Variants in BOC observed in about 807,000 individuals in gnomAD.
BOC encodes the protein brother of CDO.
Under a neutral mutation model 112.0 loss-of-function variants are expected in BOC, and 76 were observed. The ratio of observed to expected loss-of-function variants is 0.68; its 90% CI spans 0.56 to 0.82. The LOEUF is 0.82. BOC is among the 40% of genes least tolerant of loss of function. The pLI is 0.00. For missense variants in BOC, 1,309 were observed against 1,511.7 expected (o/e 0.87, Z 2.22); for synonymous variants, 580 against 599.8 (o/e 0.97, Z 0.48).
chr3:113,282,079 A>G (rs984978516), intron 15 of BOC, among the ~76,000 whole-genome samples: 16 of 152,228 alleles, frequency 1.1e-4, no homozygotes, highest in African/African-American at 3.6e-4. Flanking sequence ...AAGGCTGGAC[A>G]TAGCTCCAGA....
At chr3:113,266,306 C>T (rs993152859) in intron 4 of BOC, among the ~76,000 whole-genome samples, 1 of 152,188 alleles carries the variant, frequency 6.6e-6, no homozygotes, top group Non-Finnish European at 1.5e-5. Context: ...ATAAGCACAT[C>T]ATGGAGAATG....
At chr3:113,248,836 G>A (rs1181233862) in intron 2 of BOC, among the ~76,000 whole-genome samples, 2 of 152,162 alleles carry the variant, frequency 1.3e-5, no homozygotes, top group Non-Finnish European at 2.9e-5. Context: ...TTGTCAGATG[G>A]CTGGAGGTGC....
In BOC at chr3:113,287,210, A is replaced by G; in HGVS notation, c.*348A>G. 2.6e-6 allele frequency: 1 copy of G among 384,478 alleles called. No individual in the cohort carries two copies. Among genetic ancestry groups the G allele is most frequent in the South Asian group, 2.0e-5 (1 of 50,966 alleles). The allele number at this position is 384,478 out of a possible 1,614,324, so 23.8% of individuals were successfully genotyped here. On this transcript the variant is annotated 3_prime_UTR_variant, in exon 20 of 20. Coordinates refer to ENST00000682979, the MANE Select transcript of BOC (RefSeq NM_001378074.1). The stretch of plus-strand genomic sequence containing the variant: ...TGGCAAGAGGAAGGATCCCAGGCAC[A>G]TGGTTCATCACGAGCATGAGGGAAC...
intron 2 of BOC, among the ~76,000 whole-genome samples, chr3:113,225,481 C>A (rs1046225400): frequency 6.6e-6 from 1 of 152,180 alleles, no homozygotes; most frequent in Non-Finnish European, 1.5e-5. Flanking sequence ...ACCACCTCCC[C>A]CTCTGGTTTT....
At chr3:113,236,266 G>GGGTATATATATATATA (rs1553726809) in intron 2 of BOC, among the ~76,000 whole-genome samples, 2 of 52,586 alleles carry the variant, frequency 3.8e-5, no homozygotes, top group African/African-American at 6.2e-5. Flanking sequence ...GTGTGTGTGT[G>GGGTATATATATATATA]TATATATACC....
chr3:113,271,434 T>C (rs1948111576), intron 6 of BOC: 1 of 333,978 alleles, frequency 3.0e-6, no homozygotes, highest in Admixed American at 4.4e-5. Flanking sequence ...ATGCTCTCAA[T>C]GCACAGGAAA....
Position 113,266,886 on chromosome 3 carries a change from C to T in BOC, c.377-1413C>T, listed in dbSNP as rs147696040. Among the ~76,000 whole-genome samples the T allele has an allele frequency of 2.6e-5, 4 of 152,340 alleles. No homozygotes were observed. The East Asian group carries it at 7.7e-4, about 29-fold the overall frequency. On this transcript the variant is annotated intron_variant, in intron 4 of 19. Transcript: ENST00000682979. ...GGAAGTTCCATTACGTGGGAAGCCT[C>T]CTGACCTCACTGAGTACCTTAATCA...
intron 2 of BOC, among the ~76,000 whole-genome samples, chr3:113,217,441 C>G (rs939510783): frequency 6.6e-6 from 1 of 152,114 alleles, no homozygotes; most frequent in Non-Finnish European, 1.5e-5. Flanking sequence ...GCAGGAGGAT[C>G]CCTTGAGCCC....
At chr3:113,235,435 G>C (rs551194174) in intron 2 of BOC, among the ~76,000 whole-genome samples, 2 of 152,178 alleles carry the variant, frequency 1.3e-5, no homozygotes, top group South Asian at 4.2e-4. Flanking sequence ...GATTATAGGG[G>C]TATGTTTTCC....
intron 6 of BOC, 78 bp downstream of exon 6, chr3:113,271,022 A>G (rs774701651): frequency 7.0e-5 from 111 of 1,593,544 alleles, no homozygotes; most frequent in Non-Finnish European, 9.3e-5. Context: ...GGAGGTAGAT[A>G]CCTGGAGGTG....
rs1417746463 is a variant in BOC at position 113,217,781 on chromosome 3, T to C, written c.-82+1507T>C. Among the ~76,000 whole-genome samples the C allele has an allele frequency of 3.6e-4, 55 of 152,234 alleles. 1 individual carries two copies. Among genetic ancestry groups the C allele is most frequent in the Admixed American group, 3.4e-3 (52 of 15,290 alleles). Reference sequence around the variant, plus strand: ...GCATAGTTTTTTTTTAAAATACTTTTTGGAAAGTTAAAACCTGGTATCAGC... The same window carrying C: ...GCATAGTTTTTTTTTAAAATACTTTCTGGAAAGTTAAAACCTGGTATCAGC... On this transcript the variant is annotated intron_variant, in intron 2 of 19. Coordinates refer to ENST00000682979, the MANE Select transcript of BOC (RefSeq NM_001378074.1).
chr3:113,215,097 T>G (rs1351747860), intron 1 of BOC, among the ~76,000 whole-genome samples: 2 of 152,240 alleles, frequency 1.3e-5, no homozygotes, highest in Non-Finnish European at 2.9e-5. Flanking sequence ...ACTACTTTGC[T>G]GTTGGTTGGA....
At chr3:113,265,045 C>G (rs538362164) in intron 4 of BOC, among the ~76,000 whole-genome samples, 18 of 152,220 alleles carry the variant, frequency 1.2e-4, no homozygotes, top group Admixed American at 5.9e-4. Flanking sequence ...TGCTCCCCCA[C>G]TGCACAGCCT....
chr3:113,254,043 CTG>C (rs1326585558), intron 4 of BOC, among the ~76,000 whole-genome samples: 1 of 152,152 alleles, frequency 6.6e-6, no homozygotes, highest in Non-Finnish European at 1.5e-5. Flanking sequence ...CAAGGTGTAT[CTG>C]TGTGAGGAGA....
chr3:113,227,790 A>G (rs1357333713), intron 2 of BOC, among the ~76,000 whole-genome samples: 1 of 152,196 alleles, frequency 6.6e-6, no homozygotes, highest in East Asian at 1.9e-4. Context: ...AAGAGCTATA[A>G]AAGCACAAAG....
intron 2 of BOC, among the ~76,000 whole-genome samples, chr3:113,242,236 G>A (rs375474603): frequency 3.9e-5 from 6 of 152,102 alleles, no homozygotes; most frequent in Non-Finnish European, 4.4e-5. Flanking sequence ...GAATTGAGCC[G>A]GGAGTGTAGA....
intron 5 of BOC, chr3:113,269,963 C>T (rs1227829815): frequency 2.0e-4 from 31 of 152,336 alleles, no homozygotes; most frequent in Non-Finnish European, 2.9e-5. Flanking sequence ...CAAATGCCAC[C>T]CGAGTTGCTG....
intron 2 of BOC, among the ~76,000 whole-genome samples, chr3:113,230,165 C>A (rs1027550): frequency 5.9e-5 from 9 of 152,030 alleles, no homozygotes; most frequent in South Asian, 4.1e-4. Context: ...TGCATATCAC[C>A]TGGATCCTAG....
intron 4 of BOC, among the ~76,000 whole-genome samples, chr3:113,260,711 ACAGAACAGAAAGAACAGAAC>A (rs774919428): frequency 0.085 from 10,661 of 125,252 alleles, 527 homozygotes; most frequent in Non-Finnish European, 0.11. Context: ...ACAGAACAGA[ACAGAACAGAAAGAACAGAAC>A]AGAACAGAAC....
Sources: allele counts gnomAD v4.1 joint callset (sites outside exome capture counted in the v4.1 genomes callset), GRCh38; gene constraint gnomAD v4.1.1; transcripts MANE v1.5; gene names NCBI Gene and HGNC (gene_info 2026-07-23, HGNC 2026-07-21).